The following AGBL1 variants were observed in gnomAD, a reference collection of about 807,000 sequenced individuals.
The protein encoded by AGBL1 is AGBL carboxypeptidase 1.
In AGBL1, 130 loss-of-function variants were observed where a neutral mutation model predicts 118.9. The ratio of observed to expected loss-of-function variants is 1.09; its 90% confidence interval spans 0.95 to 1.26. AGBL1 has a LOEUF of 1.26. Among genes scored for constraint, AGBL1 ranks in the 50% most tolerant of loss-of-function variants. The probability of loss-of-function intolerance (pLI) is 0.00; values close to 1 mark genes in which losing one functional copy is unlikely to be tolerated. For synonymous variants in AGBL1, 555 were observed against 478.9 expected (o/e 1.16, Z -2.08); for missense variants, 1,584 against 1,298.1 (o/e 1.22, Z -3.38).
intron 18 of AGBL1, among the ~76,000 whole-genome samples, chr15:86,505,550 C>G (rs1441310480): frequency 6.6e-6 from 1 of 151,846 alleles, no homozygotes; most frequent in African/African-American, 2.4e-5. Flanking sequence ...TGTTGAGGAT[C>G]TGTAGTGATT....
At chr15:86,981,199 C>G (rs1292244779) in intron 23 of AGBL1, among the ~76,000 whole-genome samples, 2 of 152,056 alleles carry the variant, frequency 1.3e-5, no homozygotes, top group African/African-American at 4.8e-5. Flanking sequence ...GTTCACATCT[C>G]TTAGTATCTC....
chr15:86,512,275 G>A (rs1176753860), intron 18 of AGBL1, among the ~76,000 whole-genome samples: 2 of 151,778 alleles, frequency 1.3e-5, no homozygotes, highest in African/African-American at 4.8e-5. Context: ...TTGTTTATCT[G>A]GGTTTTTTCT....
chr15:86,930,018 A>C (rs2080586758), intron 23 of AGBL1, among the ~76,000 whole-genome samples: 1 of 152,170 alleles, frequency 6.6e-6, no homozygotes, highest in African/African-American at 2.4e-5. Context: ...TCTATCATGC[A>C]TTCCAACAAT....
intron 23 of AGBL1, among the ~76,000 whole-genome samples, chr15:86,941,515 C>T (rs2141654794): frequency 6.6e-6 from 1 of 152,296 alleles, no homozygotes; most frequent in African/African-American, 2.4e-5. Flanking sequence ...TGGCCATTCC[C>T]CACCCAAAGC....
chr15:86,325,503 T>A (rs186430291), intron 17 of AGBL1, among the ~76,000 whole-genome samples: 22 of 152,322 alleles, frequency 1.4e-4, no homozygotes, highest in African/African-American at 4.8e-4. Context: ...AATGCAGGTT[T>A]GGCAGGGCCT....
At chr15:86,405,290 T>A (rs1306577693) in intron 18 of AGBL1, among the ~76,000 whole-genome samples, 1 of 151,666 alleles carries the variant, frequency 6.6e-6, no homozygotes. Context: ...GGCAGGCAGA[T>A]CACGAGGTCA....
chr15:86,409,942 A>G (rs1237964369), intron 18 of AGBL1, among the ~76,000 whole-genome samples: 1 of 152,160 alleles, frequency 6.6e-6, no homozygotes. Flanking sequence ...ATGAGCATCT[A>G]TTATTTCATT....
chr15:86,513,701 T>C (rs2083080505), intron 18 of AGBL1, among the ~76,000 whole-genome samples: 1 of 152,096 alleles, frequency 6.6e-6, no homozygotes, highest in Non-Finnish European at 1.5e-5. Flanking sequence ...CTTCTCTATG[T>C]ACTAATTGGA....
At chr15:86,803,614 A>G (rs1302923582) in intron 22 of AGBL1, among the ~76,000 whole-genome samples, 1 of 152,088 alleles carries the variant, frequency 6.6e-6, no homozygotes, top group Non-Finnish European at 1.5e-5. Flanking sequence ...TCTCTCCTTG[A>G]GTTGTACCTA....
At chr15:86,271,363 C>T (rs374803509) in intron 14 of AGBL1, among the ~76,000 whole-genome samples, 1 of 152,034 alleles carries the variant, frequency 6.6e-6, no homozygotes, top group African/African-American at 2.4e-5. Flanking sequence ...TGCCTGGCCA[C>T]GTTGCATCTC....
intron 19 of AGBL1, among the ~76,000 whole-genome samples, chr15:86,528,767 G>C (rs1180716496): frequency 1.2e-4 from 7 of 60,644 alleles, no homozygotes; most frequent in African/African-American, 8.4e-5. Context: ...ATCTGAGAAC[G>C]GGCAGACTAC....
At position 86,670,600 on chromosome 15, in the gene AGBL1, G is replaced by GACACACACACACACACACACAC. The variant is rs9302341; in HGVS notation, c.2995-3667_2995-3646dup. On this transcript the variant is annotated intron_variant, in intron 21 of 22. Transcript: ENST00000614907. ...GCCTGGGTGACAAGAGTGAAACTCT[G>GACACACACACACACACACACAC]ACACACACACACACACACACACACA... Among the ~76,000 whole-genome samples the GACACACACACACACACACACAC allele has an allele frequency of 6.3e-4, 84 of 133,244 alleles. 1 individual carries two copies. The highest frequency in any genetic ancestry group is 4.0e-3 in the Middle Eastern group (1 of 250). 87.4% of individuals were successfully genotyped at this position (133,244 alleles called of 152,430 possible).
chr15:87,009,730 G>GC (rs1333061113), intron 24 of AGBL1, among the ~76,000 whole-genome samples: 1 of 152,168 alleles, frequency 6.6e-6, no homozygotes, highest in African/African-American at 2.4e-5. Flanking sequence ...GAGCCCACTT[G>GC]CATCAGAGTG....
intron 21 of AGBL1, among the ~76,000 whole-genome samples, chr15:86,635,163 GACTA>G (rs1294656389): frequency 6.6e-6 from 1 of 151,218 alleles, no homozygotes; most frequent in East Asian, 1.9e-4. Context: ...CTTCTTTTAA[GACTA>G]AAAGAACTAG....
chr15:86,845,648 A>T (rs2079307554), intron 22 of AGBL1, among the ~76,000 whole-genome samples: 1 of 152,178 alleles, frequency 6.6e-6, no homozygotes, highest in African/African-American at 2.4e-5. Context: ...AGTTGGTGAA[A>T]GATTAGTATT....
chr15:86,256,189 A>T (rs563782242), intron 7 of AGBL1, among the ~76,000 whole-genome samples: 2 of 152,306 alleles, frequency 1.3e-5, no homozygotes, highest in South Asian at 4.1e-4. Context: ...CATTTTTCAC[A>T]GTGTCTGAAA....
chr15:86,765,955 A>G (rs963435477), intron 22 of AGBL1, among the ~76,000 whole-genome samples: 4 of 151,960 alleles, frequency 2.6e-5, no homozygotes, highest in Non-Finnish European at 5.9e-5. Context: ...TCCTTAAAGT[A>G]CCTTTAGCTC....
At chr15:86,467,986 T>A (rs886497332) in intron 18 of AGBL1, among the ~76,000 whole-genome samples, 2 of 152,132 alleles carry the variant, frequency 1.3e-5, no homozygotes, top group Non-Finnish European at 2.9e-5. Flanking sequence ...CCTTTACAGA[T>A]GTTCCTTTAT....
chr15:86,496,705 T>C (rs1192105764), intron 18 of AGBL1, among the ~76,000 whole-genome samples: 1 of 152,050 alleles, frequency 6.6e-6, no homozygotes, highest in Non-Finnish European at 1.5e-5. Context: ...TTTATTATTT[T>C]GGTGATTTTG....
Sources: gnomAD v4.1 joint callset for allele counts (sites outside exome capture counted in the v4.1 genomes callset) on GRCh38, gnomAD v4.1.1 for gene constraint, MANE v1.5 for transcripts, NCBI Gene and HGNC (gene_info 2026-07-23, HGNC 2026-07-21) for gene names.